The following MCTP1 variants were observed in gnomAD, a reference collection of about 807,000 sequenced individuals.
MCTP1 encodes multiple C2 and transmembrane domain containing 1.
Under a neutral mutation model 120.6 loss-of-function variants are expected in MCTP1, and 69 were observed. That is an observed-to-expected ratio of 0.57 (90% confidence interval 0.47 to 0.70). MCTP1 has a LOEUF of 0.70. Ranked by LOEUF, MCTP1 falls within the 30% of genes least tolerant of loss-of-function variation. The probability of loss-of-function intolerance (pLI) is 0.00; values close to 1 mark genes in which losing one functional copy is unlikely to be tolerated. For missense variants in MCTP1, 1,203 were observed against 1,248.8 expected, an observed-to-expected ratio of 0.96 and a Z score of 0.55; for synonymous variants, 529 against 493.1, an observed-to-expected ratio of 1.07 and a Z score of -0.96.
intron 1 of MCTP1, among the ~76,000 whole-genome samples, chr5:95,265,295 A>T (rs954291055): frequency 6.6e-6 from 1 of 152,110 alleles, no homozygotes; most frequent in Non-Finnish European, 1.5e-5. Context: ...CTTCCTTTTC[A>T]TAGGCTGCTG....
At chr5:94,798,337 G>A (rs1056797124) in intron 18 of MCTP1, among the ~76,000 whole-genome samples, 2 of 152,216 alleles carry the variant, frequency 1.3e-5, no homozygotes, top group South Asian at 4.1e-4. Context: ...TGATTATAGT[G>A]TGGGCAGCTC....
intron 19 of MCTP1, among the ~76,000 whole-genome samples, chr5:94,770,659 T>C (rs1449262028): frequency 6.6e-6 from 1 of 152,150 alleles, no homozygotes; most frequent in Non-Finnish European, 1.5e-5. Context: ...GAACAAGGTG[T>C]AACAAAGCTT....
At chr5:95,280,399 T>C (rs1760217926) in intron 1 of MCTP1, among the ~76,000 whole-genome samples, 1 of 152,222 alleles carries the variant, frequency 6.6e-6, no homozygotes, top group Non-Finnish European at 1.5e-5. Context: ...AAACACTACA[T>C]GCTTTTGTTA....
intron 19 of MCTP1, among the ~76,000 whole-genome samples, chr5:94,766,621 T>C (rs1230943556): frequency 6.6e-6 from 1 of 151,510 alleles, no homozygotes; most frequent in Non-Finnish European, 1.5e-5. Context: ...ATGTATGATA[T>C]GTAACAAACC....
intron 2 of MCTP1, among the ~76,000 whole-genome samples, chr5:94,963,478 T>C (rs950804312): frequency 6.6e-6 from 1 of 151,586 alleles, no homozygotes; most frequent in South Asian, 2.1e-4. Context: ...TGTTTTCTTT[T>C]TTTTTTTTTA....
intron 8 of MCTP1, among the ~76,000 whole-genome samples, chr5:94,915,955 C>T (rs1180113564): frequency 1.3e-5 from 2 of 152,062 alleles, no homozygotes; most frequent in Non-Finnish European, 2.9e-5. Context: ...AACATTTCTT[C>T]ATAAAAACAG....
At chr5:94,932,017 T>C in intron 5 of MCTP1, 26 bp from the exon 6 acceptor site, 1 of 1,540,406 alleles carries the variant, frequency 6.5e-7, no homozygotes. Context: ...AGCATTTTCA[T>C]TATCTTTTCA....
In MCTP1 at chr5:94,703,867, T is replaced by C. The variant is rs1366054156; in HGVS notation, c.*3629A>G. 1 of 151,408 alleles carries C rather than the reference T, an allele frequency of 6.6e-6. No individual in the cohort carries two copies. Among genetic ancestry groups the C allele is most frequent in the Admixed American group, 6.6e-5 (1 of 15,134 alleles). 9.4% of individuals were successfully genotyped at this position (151,408 alleles called of 1,614,324 possible). On this transcript the variant is annotated 3_prime_UTR_variant, in exon 23 of 23. Transcript: ENST00000515393. The stretch of plus-strand genomic sequence containing the variant: ...ATTTGCATACTATTTTTTAATGAGA[T>C]TTTTCAATAGTATTTCTCAAATTTT...
chr5:95,281,413 G>A (rs1261635407), intron 1 of MCTP1, among the ~76,000 whole-genome samples: 2 of 152,282 alleles, frequency 1.3e-5, no homozygotes, highest in South Asian at 4.1e-4. Flanking sequence ...TTCCAGGACT[G>A]AGAAATCCTC....
intron 5 of MCTP1, among the ~76,000 whole-genome samples, chr5:94,937,025 G>A (rs1173933355): frequency 6.6e-6 from 1 of 152,038 alleles, no homozygotes; most frequent in East Asian, 1.9e-4. Context: ...CTCCTTAGGG[G>A]TGAGTGAGAT....
At chr5:95,095,006 ATTTTTTTTTTTTTTTTTTTTTTTT>A (rs756132693) in intron 1 of MCTP1, among the ~76,000 whole-genome samples, 2 of 36,966 alleles carry the variant, frequency 5.4e-5, no homozygotes, top group East Asian at 1.9e-3. Context: ...GTTATGTTAG[ATTTTTTTTTTTTTTTTTTTTTTTT>A]TTTTTTTTTT....
At chr5:95,107,902 T>TA (rs1307029332) in intron 1 of MCTP1, among the ~76,000 whole-genome samples, 3 of 152,214 alleles carry the variant, frequency 2.0e-5, no homozygotes, top group African/African-American at 7.2e-5. Flanking sequence ...GCAGGTTTGT[T>TA]ACATAGGTAA....
rs34952779 is a variant in MCTP1 at position 95,117,390 on chromosome 5, C to CAA, written c.721-99908_721-99907dup. 5.3e-3 allele frequency among the ~76,000 whole-genome samples: 352 copies of CAA among 66,126 alleles called. 2 individuals carry two copies. The highest frequency in any genetic ancestry group is 0.029 in the Middle Eastern group (2 of 68). 43.4% of individuals were successfully genotyped at this position (66,126 alleles called of 152,430 possible). A position where few individuals can be genotyped will look rare whatever the true frequency, so the allele number is the denominator to read the frequency against. On this transcript the variant is annotated intron_variant, in intron 1 of 22. Coordinates refer to ENST00000515393, the MANE Select transcript of MCTP1 (RefSeq NM_024717.7). ...TGGGCAACAGAGCGAGACTCCGTCT[C>CAA]AAAAAAAAAAAAAAAAAAAAAAAAA...
At chr5:94,925,624 T>C (rs376616974) in intron 6 of MCTP1, among the ~76,000 whole-genome samples, 9 of 152,162 alleles carry the variant, frequency 5.9e-5, no homozygotes, top group African/African-American at 1.9e-4. Context: ...TTAGCCAGAA[T>C]GGTCTCAATC....
At chr5:95,231,962 C>T (rs1754999324) in intron 1 of MCTP1, among the ~76,000 whole-genome samples, 1 of 152,006 alleles carries the variant, frequency 6.6e-6, no homozygotes, top group Admixed American at 6.6e-5. Flanking sequence ...GTTCTTTTGT[C>T]ATTTTGAGCC....
chr5:94,819,420 C>T (rs1438692325), intron 17 of MCTP1, among the ~76,000 whole-genome samples: 1 of 152,124 alleles, frequency 6.6e-6, no homozygotes, highest in African/African-American at 2.4e-5. Context: ...CATGAGCCAC[C>T]ATGCCTGGCC....
intron 17 of MCTP1, among the ~76,000 whole-genome samples, chr5:94,859,609 C>T (rs777120144): frequency 7.3e-5 from 11 of 151,528 alleles, no homozygotes; most frequent in East Asian, 2.0e-4. Context: ...GAAAGCAAAA[C>T]GAAAAGAATT....
chr5:94,909,273 T>C lies in MCTP1; in HGVS notation c.1630A>G (p.Lys544Glu). ...DITAWDKDAG[K>E]RDDFIGRCQV... ...AACCTGCCAATGAAATCATCCCTTT[T>C]CCCAGCATCTTTGTCCCATGCAGTG... Residue 544 changes from lysine (K) to glutamate (E), a missense_variant, in exon 10 of 23, where the codon AAA (lysine) becomes GAA (glutamate). This residue lies in a region of MCTP1 where 740 missense variants were observed against 871.1 expected (regional missense o/e 0.85). Coordinates refer to ENST00000515393, the MANE Select transcript of MCTP1 (RefSeq NM_024717.7). 1 of 1,612,186 alleles carries C rather than the reference T, an allele frequency of 6.2e-7. No individual in the cohort carries two copies. The highest frequency in any genetic ancestry group is 1.1e-5 in the South Asian group (1 of 90,646).
At chr5:94,780,109 G>T (rs1776253838) in intron 18 of MCTP1, among the ~76,000 whole-genome samples, 1 of 151,212 alleles carries the variant, frequency 6.6e-6, no homozygotes, top group Non-Finnish European at 1.5e-5. Flanking sequence ...TATTGTGTTT[G>T]ACATTTGATA....
Sources: allele counts gnomAD v4.1 joint callset (sites outside exome capture counted in the v4.1 genomes callset), GRCh38; gene constraint gnomAD v4.1.1; regional missense constraint gnomAD v4.1.1; transcripts MANE v1.5; gene names NCBI Gene and HGNC (gene_info 2026-07-23, HGNC 2026-07-21).